The following TJP1 variants were observed in gnomAD, a reference collection of about 807,000 sequenced individuals.
TJP1 encodes the protein tight junction protein 1, also known as tight junction protein ZO-1.
TJP1 carries 43 observed loss-of-function variants against 194.2 expected under a neutral mutation model. The ratio of observed to expected loss-of-function variants is 0.22; its 90% CI spans 0.17 to 0.29. The LOEUF (loss-of-function observed/expected upper bound fraction) is 0.29, where lower values mean the gene tolerates loss of function less well. Among genes scored for constraint, TJP1 ranks in the 10% least tolerant of loss-of-function variants. The probability of loss-of-function intolerance (pLI) is 1.00; values close to 1 mark genes in which losing one functional copy is unlikely to be tolerated. For missense variants in TJP1, 1,971 were observed against 2,185.7 expected (o/e 0.90, Z 1.96); for synonymous variants, 801 against 779.0 (o/e 1.03, Z -0.47).
chr15:29,956,026 AATC>A (rs1334000429), intron 2 of TJP1, among the ~76,000 whole-genome samples: 1 of 152,154 alleles, frequency 6.6e-6, no homozygotes, highest in African/African-American at 2.4e-5. Flanking sequence ...TTTGGATCAG[AATC>A]ATCATTATGA....
chr15:29,877,369 A>T (rs1051991461), intron 2 of TJP1, among the ~76,000 whole-genome samples: 1 of 152,056 alleles, frequency 6.6e-6, no homozygotes, highest in Non-Finnish European at 1.5e-5. Flanking sequence ...GATGTGCACC[A>T]CCACACCTGA....
At chr15:29,944,705 G>A (rs575270640) in intron 2 of TJP1, among the ~76,000 whole-genome samples, 17 of 151,928 alleles carry the variant, frequency 1.1e-4, no homozygotes, top group Admixed American at 2.6e-4. Context: ...TAAATCAATC[G>A]GATTTTACCT....
At chr15:29,817,526 T>C (rs553950169) in intron 1 of TJP1, among the ~76,000 whole-genome samples, 54 of 152,280 alleles carry the variant, frequency 3.5e-4, no homozygotes, top group African/African-American at 1.2e-3. Flanking sequence ...TAAAGACACA[T>C]GCACACATAT....
At chr15:29,893,942 T>C (rs1177635539) in intron 2 of TJP1, among the ~76,000 whole-genome samples, 1 of 152,228 alleles carries the variant, frequency 6.6e-6, no homozygotes, top group East Asian at 1.9e-4. Flanking sequence ...TCATGCTCTT[T>C]GCTGCCCTGT....
chr15:29,927,803 C>T (rs1449778883), intron 2 of TJP1, among the ~76,000 whole-genome samples: 3 of 152,046 alleles, frequency 2.0e-5, no homozygotes, highest in African/African-American at 7.2e-5. Context: ...ATCCAAGGCC[C>T]CCGAAAGCCA....
intron 10 of TJP1, among the ~76,000 whole-genome samples, chr15:29,740,245 G>T (rs4780258): frequency 1.3e-5 from 2 of 151,572 alleles, no homozygotes; most frequent in Admixed American, 6.6e-5. Context: ...AAAGTGCTAG[G>T]TTTACAGGCA....
At chr15:29,702,623 C>A (rs1017461431) in intron 27 of TJP1, among the ~76,000 whole-genome samples, 3 of 152,086 alleles carry the variant, frequency 2.0e-5, no homozygotes, top group African/African-American at 4.8e-5. Flanking sequence ...GAGGGCCCTA[C>A]AACAATCATT....
intron 2 of TJP1, among the ~76,000 whole-genome samples, chr15:29,865,084 G>A (rs2052254424): frequency 6.6e-6 from 1 of 152,138 alleles, no homozygotes; most frequent in Non-Finnish European, 1.5e-5. Flanking sequence ...ATTTGCTTGA[G>A]TTGAAAATCT....
intron 2 of TJP1, among the ~76,000 whole-genome samples, chr15:29,871,751 C>A (rs1371250871): frequency 2.0e-5 from 3 of 152,246 alleles, no homozygotes; most frequent in Non-Finnish European, 4.4e-5. Context: ...CGAGGGAGAA[C>A]TGCCCACTCA....
At chr15:29,812,459 A>C (rs2151953553) in intron 1 of TJP1, among the ~76,000 whole-genome samples, 1 of 152,334 alleles carries the variant, frequency 6.6e-6, no homozygotes, top group Admixed American at 6.5e-5. Flanking sequence ...TCTTCCAAGA[A>C]AACAATCAGC....
At chr15:29,766,841 C>T (rs1029375577) in intron 4 of TJP1, among the ~76,000 whole-genome samples, 3 of 152,144 alleles carry the variant, frequency 2.0e-5, no homozygotes, top group African/African-American at 7.2e-5. Context: ...TACAGGGAAA[C>T]TAACAACTGT....
intron 2 of TJP1, among the ~76,000 whole-genome samples, chr15:29,913,210 T>C (rs1261602699): frequency 6.6e-6 from 1 of 151,682 alleles, no homozygotes; most frequent in East Asian, 1.9e-4. Flanking sequence ...GGGGGTAGAA[T>C]ACGGAGGACT....
In TJP1 at chr15:29,893,046, AT is replaced by A. The variant is rs1224660713; in HGVS notation, c.306+63185del. ...TTTGCCATTTTAGATGCCATTAAGAATATTACTGATTCATGGGAGGGGTTCA... is the reference window on the plus strand; with the variant it reads ...TTTGCCATTTTAGATGCCATTAAGAAATTACTGATTCATGGGAGGGGTTCA... On this transcript the variant is annotated intron_variant, in intron 2 of 28. Coordinates refer to the TJP1 transcript ENST00000356107. Among the ~76,000 whole-genome samples, 4 of 152,340 alleles carry A rather than the reference AT, an allele frequency of 2.6e-5. No homozygotes were observed. In the East Asian group the frequency reaches 5.8e-4, roughly 22 times the overall value.
In TJP1 at chr15:29,761,674, A is replaced by C. The variant is rs971554052; in HGVS notation, c.789T>G (p.Asp263Glu). The change falls in exon 7 of 28, where the codon GAT becomes GAG. Residue 263 changes from aspartate (D) to glutamate (E), a missense_variant. Coordinates refer to ENST00000614355, the MANE Select transcript of TJP1 (RefSeq NM_001330239.4). Reference sequence around the variant, plus strand: ...GGACATTCAATAGCGTAGCCCGTTCATCTCTTTGAACTACCATTTTTAATT... The same window carrying C: ...GGACATTCAATAGCGTAGCCCGTTCCTCTCTTTGAACTACCATTTTTAATT... ...KGKLKMVVQR[D>E]ERATLLNVPD... 1 of 1,610,900 alleles carries C rather than the reference A, an allele frequency of 6.2e-7. No homozygotes were observed. The highest frequency in any genetic ancestry group is 8.5e-7 in the Non-Finnish European group (1 of 1,177,482).
intron 2 of TJP1, among the ~76,000 whole-genome samples, chr15:29,879,312 C>G (rs924801232): frequency 6.6e-6 from 1 of 152,066 alleles, no homozygotes; most frequent in Non-Finnish European, 1.5e-5. Flanking sequence ...TGGGAACAGA[C>G]GGACGGCAAG....
At chr15:29,862,278 C>T (rs895244507) in intron 2 of TJP1, among the ~76,000 whole-genome samples, 1 of 152,066 alleles carries the variant, frequency 6.6e-6, no homozygotes, top group African/African-American at 2.4e-5. Context: ...AAAGAGAAAA[C>T]TTTTTGTTTC....
chr15:29,726,230 A>G (rs1461906325), intron 18 of TJP1, 149 bp downstream of exon 18: 8 of 686,028 alleles, frequency 1.2e-5, no homozygotes, highest in Non-Finnish European at 1.5e-5. Context: ...CATAACCCCT[A>G]CACACAAATT....
At chr15:29,966,935 T>A (rs925881120) in intron 1 of TJP1, among the ~76,000 whole-genome samples, 2 of 152,120 alleles carry the variant, frequency 1.3e-5, no homozygotes, top group Non-Finnish European at 2.9e-5. Context: ...TTTGCTAACA[T>A]CTCCCACGGA....
intron 8 of TJP1, among the ~76,000 whole-genome samples, chr15:29,754,342 A>C (rs1382689153): frequency 1.3e-5 from 2 of 152,162 alleles, no homozygotes; most frequent in Non-Finnish European, 2.9e-5. Flanking sequence ...GAACACAAAG[A>C]AAACAACAGG....
Sources: gnomAD v4.1 joint callset for allele counts (sites outside exome capture counted in the v4.1 genomes callset) on GRCh38, gnomAD v4.1.1 for gene constraint, MANE v1.5 for transcripts, NCBI Gene and HGNC (gene_info 2026-07-23, HGNC 2026-07-21) for gene names.